SCG5: variants seen among roughly 807,000 people sequenced by gnomAD.
The protein encoded by SCG5 is secretogranin V, also known as neuroendocrine protein 7B2.
Under a neutral mutation model 25.7 loss-of-function variants are expected in SCG5, and 18 were observed. The observed-to-expected ratio is 0.70, with a 90% CI of 0.48 to 1.04. SCG5 has a LOEUF of 1.04. Ranked by LOEUF, SCG5 falls within the 50% of genes least tolerant of loss-of-function variation. The pLI is 0.00. For synonymous variants in SCG5, 101 were observed against 91.7 expected (o/e 1.10, Z -0.58); for missense variants, 206 against 259.8 (o/e 0.79, Z 1.42).
At chr15:32,677,037 T>C (rs139725355) in intron 2 of SCG5, among the ~76,000 whole-genome samples, 3 of 152,334 alleles carry the variant, frequency 2.0e-5, no homozygotes, top group Middle Eastern at 3.4e-3. Context: ...TAGATGTTTA[T>C]GGGTTATATA....
chr15:32,648,783 T>A (rs79691015), intron 2 of SCG5, among the ~76,000 whole-genome samples: 26,539 of 131,176 alleles, frequency 0.2, 2,872 homozygotes, highest in African/African-American at 0.29. Flanking sequence ...TTTTTTTTTT[T>A]AAAAAAAAAA....
chr15:32,668,334 T>C (rs1308465962), intron 2 of SCG5, among the ~76,000 whole-genome samples: 3 of 152,272 alleles, frequency 2.0e-5, no homozygotes, highest in Non-Finnish European at 2.9e-5. Flanking sequence ...GAATGGTAAT[T>C]AATTCAGGTA....
At chr15:32,669,988 T>C (rs1309665192) in intron 2 of SCG5, among the ~76,000 whole-genome samples, 1 of 152,186 alleles carries the variant, frequency 6.6e-6, no homozygotes, top group Non-Finnish European at 1.5e-5. Context: ...GATCCTAAAT[T>C]GGGACCACAT....
At chr15:32,677,105 C>T (rs550176824) in intron 2 of SCG5, among the ~76,000 whole-genome samples, 2 of 152,188 alleles carry the variant, frequency 1.3e-5, no homozygotes, top group South Asian at 4.1e-4. Context: ...TGGTAGTTTA[C>T]AAAAGAAATA....
Position 32,684,619 on chromosome 15 carries a change from C to T in SCG5, c.439C>T (p.His147Tyr), listed in dbSNP as rs768700889. ...TAEFSREFQL[H>Y]QHLFDPEHDY... ...AGAGTTCAGTCGAGAGTTCCAGTTG[C>T]ACCAGCATCTCTTTGATCCGGAACA... is the stretch of plus-strand genomic sequence containing the variant. Residue 147 changes from histidine to tyrosine, a missense_variant, in exon 4 of 6, where the codon CAC becomes TAC. Coordinates refer to ENST00000300175, the MANE Select transcript of SCG5 (RefSeq NM_001144757.3). 5.3e-5 allele frequency: 85 copies of T among 1,613,720 alleles called. No homozygotes were observed. The highest frequency in any genetic ancestry group is 7.0e-5 in the Non-Finnish European group (82 of 1,179,828).
chr15:32,653,851 G>C (rs2054072092), intron 2 of SCG5, among the ~76,000 whole-genome samples: 1 of 152,142 alleles, frequency 6.6e-6, no homozygotes, highest in African/African-American at 2.4e-5. Flanking sequence ...ACACAACTGG[G>C]TACTATAACT....
At position 32,663,058 on chromosome 15, in the gene SCG5, TATATATATATATATATATATA is replaced by T. The variant is rs1567076398; in HGVS notation, c.227-16700_227-16680del. ...ATATATATATATATATATATATATATATATATATATATATATATATAATATATAATATGTTATATATACACA... is the reference window on the plus strand; with the variant it reads ...ATATATATATATATATATATATATATATATATAATATGTTATATATACACA... On this transcript the variant is annotated intron_variant, in intron 2 of 5. Coordinates refer to ENST00000300175, the MANE Select transcript of SCG5 (RefSeq NM_001144757.3). Among the ~76,000 whole-genome samples the T allele has an allele frequency of 1.6e-4, 10 of 63,268 alleles. No individual in the cohort carries two copies. The East Asian group carries it at 1.8e-3, about 12-fold the overall frequency. The allele number at this position is 63,268 out of a possible 152,430, so 41.5% of individuals were successfully genotyped here. A position where few individuals can be genotyped will look rare whatever the true frequency, so the allele number is the denominator to read the frequency against.
rs1176055602 is a variant in SCG5, at chr15:32,667,890, G to A, written c.227-11876G>A. 3.3e-5 allele frequency among the ~76,000 whole-genome samples: 5 copies of A among 152,182 alleles called. No individual in the cohort carries two copies. The East Asian group carries it at 9.7e-4, about 29-fold the overall frequency. ...GGGTTTCACCATGTTGGCCAGGCTG[G>A]TCTCAAACTCCTGACCTCAAGTGAT... is the stretch of plus-strand genomic sequence containing the variant. On this transcript the variant is annotated intron_variant, in intron 2 of 5. Coordinates refer to ENST00000300175, the MANE Select transcript of SCG5 (RefSeq NM_001144757.3).
Position 32,696,522 on chromosome 15 carries a change from T to A in SCG5, c.552T>A (p.Asn184Lys), listed in dbSNP as rs547636537. Residue 184 changes from asparagine to lysine, a missense_variant, in exon 6 of 6, where the codon AAT becomes AAA. Asn to Lys is a moderately conservative substitution (Grantham distance 94, BLOSUM62 0). Transcript: ENST00000300175. Reference protein sequence around the residue: ...GGERRKRRSVNPYLQGQRLDN... With the variant: ...GGERRKRRSVKPYLQGQRLDN... ...GTTTGTTTGTTTTTCAGAGTGTCAA[T>A]CCATATCTACAAGGACAGAGACTGG... The A allele has an allele frequency of 2.5e-5, 41 of 1,610,710 alleles. 2 individuals carry two copies. In the South Asian group the frequency reaches 4.1e-4, roughly 16 times the overall value.
chr15:32,677,451 A>T (rs1160808981), intron 2 of SCG5: 2 of 152,226 alleles, frequency 1.3e-5, no homozygotes, highest in African/African-American at 4.8e-5. Flanking sequence ...GGGGGAAAAA[A>T]GTGTGAATCC....
Position 32,679,683 on chromosome 15 carries a change from T to C in SCG5, c.227-83T>C. On this transcript the variant is annotated intron_variant, in intron 2 of 5. Coordinates refer to ENST00000300175, the MANE Select transcript of SCG5 (RefSeq NM_001144757.3). ...TCCCCACAGCAGAAGGCACAGGGCTTTTCCTGTGTGATATGCCTGAATAAA... is the reference window on the plus strand; with the variant it reads ...TCCCCACAGCAGAAGGCACAGGGCTCTTCCTGTGTGATATGCCTGAATAAA... The C allele has an allele frequency of 2.1e-6, 3 of 1,453,678 alleles. No homozygotes were observed. In the South Asian group the frequency reaches 3.6e-5, roughly 17 times the overall value. The allele number at this position is 1,453,678 out of a possible 1,614,324, so 90.0% of individuals were successfully genotyped here. A position where few individuals can be genotyped will look rare whatever the true frequency, so the allele number is the denominator to read the frequency against.
chr15:32,675,777 G>A (rs10775188), intron 2 of SCG5, among the ~76,000 whole-genome samples: 81,332 of 152,070 alleles, frequency 0.53, 22,653 homozygotes, highest in East Asian at 0.7. Flanking sequence ...GCTGTATTAC[G>A]TTTGTTTCTT....
intron 3 of SCG5, among the ~76,000 whole-genome samples, chr15:32,680,917 C>T (rs2054609024): frequency 6.6e-6 from 1 of 152,194 alleles, no homozygotes; most frequent in Non-Finnish European, 1.5e-5. Flanking sequence ...TACCTGAGTT[C>T]AAACTCCAGG....
At chr15:32,686,030 T>C (rs559089585) in intron 4 of SCG5, among the ~76,000 whole-genome samples, 1 of 152,368 alleles carries the variant, frequency 6.6e-6, no homozygotes, top group South Asian at 2.1e-4. Flanking sequence ...TGCTTTAACA[T>C]GCATTGTCAG....
intron 2 of SCG5, among the ~76,000 whole-genome samples, chr15:32,659,814 C>G (rs1201194860): frequency 6.6e-6 from 1 of 152,054 alleles, no homozygotes; most frequent in Non-Finnish European, 1.5e-5. Flanking sequence ...CTGTGAGCTA[C>G]CTAAGACGCC....
chr15:32,647,514 A>T (rs189118363), intron 2 of SCG5, among the ~76,000 whole-genome samples: 7 of 152,294 alleles, frequency 4.6e-5, no homozygotes, highest in African/African-American at 1.7e-4. Flanking sequence ...ATTAAAAAAA[A>T]CATATCTTCT....
At position 32,696,745 on chromosome 15, in the gene SCG5, G is replaced by C. The variant is rs1446318188; in HGVS notation, c.*136G>C. ...TATGGATACAAAGCAGCTGTATGTA[G>C]ATAGTGTATTGTCTTCACACCGATG... On this transcript the variant is annotated 3_prime_UTR_variant, in exon 6 of 6. Coordinates refer to ENST00000300175, the MANE Select transcript of SCG5 (RefSeq NM_001144757.3). The C allele has an allele frequency of 1.7e-6, 1 of 583,064 alleles. No individual in the cohort carries two copies. The allele number at this position is 583,064 out of a possible 1,614,324, so 36.1% of individuals were successfully genotyped here.
At chr15:32,654,814 C>T (rs1007232780) in intron 2 of SCG5, among the ~76,000 whole-genome samples, 1 of 152,172 alleles carries the variant, frequency 6.6e-6, no homozygotes, top group African/African-American at 2.4e-5. Context: ...TTGAAACAAC[C>T]TTGCCATATT....
At chr15:32,691,487 G>A (rs1393669891) in intron 4 of SCG5, among the ~76,000 whole-genome samples, 3 of 152,206 alleles carry the variant, frequency 2.0e-5, no homozygotes, top group Admixed American at 2.0e-4. Context: ...TGACACTGGT[G>A]TGCCTCAGGG....
Sources: allele counts gnomAD v4.1 joint callset (sites outside exome capture counted in the v4.1 genomes callset), GRCh38; gene constraint gnomAD v4.1.1; transcripts MANE v1.5; gene names NCBI Gene and HGNC (gene_info 2026-07-23, HGNC 2026-07-21).